The following CCDC191 variants were observed in gnomAD, a reference collection of about 807,000 sequenced individuals.
CCDC191 encodes the protein coiled-coil domain containing 191.
A neutral mutation model predicts 114.0 loss-of-function variants in CCDC191; 99 were observed. The ratio of observed to expected loss-of-function variants is 0.87; its 90% CI spans 0.74 to 1.03. CCDC191 has a LOEUF of 1.03. Ranked by LOEUF, CCDC191 falls within the 50% of genes least tolerant of loss-of-function variation. The pLI, the probability that CCDC191 is intolerant of heterozygous loss-of-function variation, is 0.00. For missense variants in CCDC191, 973 were observed against 1,087.0 expected, an observed-to-expected ratio of 0.90 and a Z score of 1.47; for synonymous variants, 351 against 376.0, an observed-to-expected ratio of 0.93 and a Z score of 0.77.
intron 3 of CCDC191, among the ~76,000 whole-genome samples, chr3:114,043,976 G>C (rs928967735): frequency 6.6e-6 from 1 of 152,088 alleles, no homozygotes; most frequent in South Asian, 2.1e-4. Context: ...ATAGCAGCAG[G>C]CTTGAGGAGG....
intron 2 of CCDC191, 126 bp downstream of exon 2, chr3:114,053,471 T>C (rs2076724203): frequency 4.1e-6 from 2 of 491,914 alleles, no homozygotes; most frequent in Non-Finnish European, 7.2e-6. Context: ...TAAGGCAACT[T>C]ACATAGTCAC....
In CCDC191 at chr3:113,965,042, A is replaced by T; in HGVS notation, c.*113T>A. The T allele has an allele frequency of 1.8e-6, 1 of 554,378 alleles. No homozygotes were observed. Among genetic ancestry groups the T allele is most frequent in the Admixed American group, 3.4e-5 (1 of 29,736 alleles). The allele number at this position is 554,378 out of a possible 1,614,324, so 34.3% of individuals were successfully genotyped here. The stretch of plus-strand genomic sequence containing the variant: ...CTCAAAATAATTCCTTTGATCTAAG[A>T]AGTAGCTCGTAGAGAATAAACCAGG... On this transcript the variant is annotated 3_prime_UTR_variant, in exon 17 of 17. Coordinates refer to ENST00000295878, the MANE Select transcript of CCDC191 (RefSeq NM_020817.2).
intron 8 of CCDC191, among the ~76,000 whole-genome samples, chr3:114,014,405 G>A (rs942194849): frequency 1.6e-4 from 24 of 152,132 alleles, no homozygotes; most frequent in Non-Finnish European, 1.0e-4. Context: ...GCATACCCAC[G>A]TGAGCAGAGG....
chr3:113,980,579 C>A, intron 14 of CCDC191, 71 bp downstream of exon 14: 1 of 1,408,404 alleles, frequency 7.1e-7, no homozygotes. Flanking sequence ...CTCCCCCAAG[C>A]TTAACTGGGC....
Position 114,005,762 on chromosome 3 carries a change from T to C in CCDC191, c.1614A>G (p.Arg538=), listed in dbSNP as rs1175089320. 6.2e-7 allele frequency: 1 copy of C among 1,614,128 alleles called. No homozygotes were observed. The highest frequency in any genetic ancestry group is 1.7e-5 in the Admixed American group (1 of 60,020). The change falls in exon 10 of 17, where the codon AGA becomes AGG. Residue 538 remains arginine (R), a synonymous_variant. Coordinates refer to ENST00000295878, the MANE Select transcript of CCDC191 (RefSeq NM_020817.2). ...SQQPGSNETL[R]TTSQKAEPLC... is the part of the protein sequence containing the mutation. Reference sequence around the variant, plus strand: ...GCGGTTCTGCTTTCTGGCTGGTAGTTCTGAGTGTCTCGTTGCTGCCAGGCT... The same window carrying C: ...GCGGTTCTGCTTTCTGGCTGGTAGTCCTGAGTGTCTCGTTGCTGCCAGGCT...
chr3:114,041,536 G>A (rs1221652221), intron 4 of CCDC191, among the ~76,000 whole-genome samples: 2 of 152,178 alleles, frequency 1.3e-5, no homozygotes, highest in African/African-American at 4.8e-5. Context: ...CCCAATCCCG[G>A]AAGGTGTTCA....
At chr3:113,988,398 G>A (rs1179441203) in intron 13 of CCDC191, among the ~76,000 whole-genome samples, 2 of 151,968 alleles carry the variant, frequency 1.3e-5, no homozygotes, top group South Asian at 2.1e-4. Flanking sequence ...CAGCCAAGAC[G>A]GGTGGATCAC....
At chr3:114,025,620 A>G (rs1257322599) in intron 7 of CCDC191, among the ~76,000 whole-genome samples, 1 of 152,180 alleles carries the variant, frequency 6.6e-6, no homozygotes, top group Non-Finnish European at 1.5e-5. Context: ...TTAACCAGTA[A>G]AATTCTCTGG....
chr3:114,039,482 G>A (rs1213842005), intron 4 of CCDC191: 2 of 152,110 alleles, frequency 1.3e-5, no homozygotes, highest in African/African-American at 4.8e-5. Context: ...CACAACAGAG[G>A]GAGATCCTGT....
intron 16 of CCDC191, among the ~76,000 whole-genome samples, chr3:113,970,602 T>C (rs1940701561): frequency 1.3e-5 from 2 of 152,166 alleles, no homozygotes; most frequent in South Asian, 4.1e-4. Flanking sequence ...AGTTTTAGGG[T>C]ACATGTGCAC....
intron 4 of CCDC191, chr3:114,037,168 A>G (rs2076497331): frequency 6.6e-6 from 1 of 152,586 alleles, no homozygotes; most frequent in African/African-American, 2.4e-5. Context: ...TAAACTGCAA[A>G]TATTTAAAGT....
At chr3:114,030,297 A>G (rs914985792) in intron 7 of CCDC191, among the ~76,000 whole-genome samples, 52 of 152,182 alleles carry the variant, frequency 3.4e-4, no homozygotes, top group African/African-American at 1.2e-3. Context: ...CTTCAATACA[A>G]TTTAAGCATT....
rs1414273740 is a variant in CCDC191, at chr3:114,010,820, T to C, written c.1365A>G (p.Leu455=). Residue 455 remains leucine, a synonymous_variant, in exon 9 of 17, where the codon CTA becomes CTG. Coordinates refer to ENST00000295878, the MANE Select transcript of CCDC191 (RefSeq NM_020817.2). ...LSANGLSGIS[L]PEEATAMVGP... is the part of the protein sequence containing the mutation. ...CCACCATGGCTGTTGCCTCCTCAGG[T>C]AGACTGATGCCTGATAACCCATTGG... The C allele has an allele frequency of 6.2e-7, 1 of 1,613,984 alleles. No homozygotes were observed. Among genetic ancestry groups the C allele is most frequent in the Admixed American group, 1.7e-5 (1 of 60,020 alleles).
intron 7 of CCDC191, among the ~76,000 whole-genome samples, chr3:114,026,951 T>C (rs2076329285): frequency 6.6e-6 from 1 of 152,238 alleles, no homozygotes; most frequent in Non-Finnish European, 1.5e-5. Context: ...GTTTCTAATC[T>C]TATTAAGAAA....
chr3:113,981,094 T>C (rs1462199232), intron 13 of CCDC191, among the ~76,000 whole-genome samples: 1 of 152,192 alleles, frequency 6.6e-6, no homozygotes, highest in East Asian at 1.9e-4. Flanking sequence ...AACATCTAGT[T>C]AGGAGAGCAA....
intron 3 of CCDC191, among the ~76,000 whole-genome samples, chr3:114,045,226 C>T (rs1398958399): frequency 6.6e-6 from 1 of 152,102 alleles, no homozygotes; most frequent in African/African-American, 2.4e-5. Context: ...ATTTCAGAAT[C>T]AATCTCCTTT....
rs763020547 is a variant in CCDC191, at chr3:113,980,719, C to T, written c.2238G>A (p.Arg746=). The change falls in exon 14 of 17, where the codon AGG becomes AGA. Residue 746 remains arginine (R), a synonymous_variant. Coordinates refer to ENST00000295878, the MANE Select transcript of CCDC191 (RefSeq NM_020817.2). The part of the protein sequence containing the change: ...LEAIAKEHYE[R]VLLRKKGLEP... ...CTAGACCTTTTTTCCTTAGCAAGAC[C>T]CTTTCATAATGTTCTTTGGCTATTG... is the stretch of plus-strand genomic sequence containing the variant. The T allele has an allele frequency of 8.7e-6, 14 of 1,609,750 alleles. No homozygotes were observed. The South Asian group carries it at 1.4e-4, about 17-fold the overall frequency.
At chr3:114,008,049 T>G (rs2076001722) in intron 9 of CCDC191, among the ~76,000 whole-genome samples, 1 of 147,010 alleles carries the variant, frequency 6.8e-6, no homozygotes, top group Admixed American at 6.8e-5. Flanking sequence ...TATATATATA[T>G]TACTATATAT....
chr3:114,052,507 G>A (rs1045724629), intron 2 of CCDC191, among the ~76,000 whole-genome samples: 12 of 151,954 alleles, frequency 7.9e-5, no homozygotes, highest in Non-Finnish European at 1.6e-4. Context: ...CACTTTAGTC[G>A]TCATCTAAGT....
Sources: gnomAD v4.1 joint callset for allele counts (sites outside exome capture counted in the v4.1 genomes callset) on GRCh38, gnomAD v4.1.1 for gene constraint, MANE v1.5 for transcripts, NCBI Gene and HGNC (gene_info 2026-07-23, HGNC 2026-07-21) for gene names.